The following CBLB variants were observed in gnomAD, a reference collection of about 807,000 sequenced individuals.
CBLB encodes Cbl proto-oncogene B, also known as E3 ubiquitin-protein ligase CBL-B.
In CBLB, 31 loss-of-function variants were observed where a neutral mutation model predicts 104.9. That is an observed-to-expected ratio of 0.30 (90% CI 0.22 to 0.40). CBLB has a LOEUF of 0.40. CBLB is among the 10% of genes least tolerant of loss of function. The pLI is 1.00. For missense variants in CBLB, 1,062 were observed against 1,214.6 expected (o/e 0.87, Z 1.87); for synonymous variants, 440 against 422.6 (o/e 1.04, Z -0.51).
chr3:105,780,667 T>G lies in CBLB; in HGVS notation c.420-4125A>C, dbSNP rs775237832. Among the ~76,000 whole-genome samples the G allele has an allele frequency of 4.1e-3, 502 of 121,220 alleles. 1 individual carries two copies. The highest frequency in any genetic ancestry group is 7.6e-3 in the Middle Eastern group (2 of 262). The allele number at this position is 121,220 out of a possible 152,430, so 79.5% of individuals were successfully genotyped here. A position where few individuals can be genotyped will look rare whatever the true frequency, so the allele number is the denominator to read the frequency against. On this transcript the variant is annotated intron_variant, in intron 3 of 18. Coordinates refer to ENST00000394030, the MANE Select transcript of CBLB (RefSeq NM_170662.5). ...ATAAAAGTTTTGTTTTTTGTTTTTTTTTTTTTTTTTTTTGAGATGGAGTCT... is the reference window on the plus strand; with the variant it reads ...ATAAAAGTTTTGTTTTTTGTTTTTTGTTTTTTTTTTTTTGAGATGGAGTCT...
intron 3 of CBLB, among the ~76,000 whole-genome samples, chr3:105,798,111 G>C (rs370692328): frequency 1.1e-4 from 16 of 152,240 alleles, no homozygotes; most frequent in African/African-American, 3.6e-4. Context: ...ACAAGCTAAC[G>C]TACAAAATAT....
chr3:105,757,412 ATGTAT>A (rs1560108086), intron 4 of CBLB, among the ~76,000 whole-genome samples: 1 of 152,180 alleles, frequency 6.6e-6, no homozygotes, highest in Non-Finnish European at 1.5e-5. Flanking sequence ...TTATGATGGC[ATGTAT>A]CAGAACTACT....
At chr3:105,772,551 A>G (rs1174867114) in intron 4 of CBLB, among the ~76,000 whole-genome samples, 1 of 152,226 alleles carries the variant, frequency 6.6e-6, no homozygotes, top group African/African-American at 2.4e-5. Flanking sequence ...CTGCACAGCA[A>G]AAGAAATAAT....
In CBLB at chr3:105,779,756, C is replaced by T. The variant is rs193159896; in HGVS notation, c.420-3214G>A. Among the ~76,000 whole-genome samples, 61 of 151,714 alleles carry T rather than the reference C, an allele frequency of 4.0e-4. No individual in the cohort carries two copies. The Middle Eastern group carries it at 0.014, about 34-fold the overall frequency. The stretch of plus-strand genomic sequence containing the variant: ...TTTAAATTTGTTATCATAGAAAATA[C>T]GTTTTCTTTTTTATATGACGCTGTG... On this transcript the variant is annotated intron_variant, in intron 3 of 18. Transcript: ENST00000394030.
rs2066315919 is a variant in CBLB at position 105,681,535 on chromosome 3, T to C, written c.2372A>G (p.His791Arg). 1.2e-6 allele frequency: 2 copies of C among 1,614,068 alleles called. No individual in the cohort carries two copies. The highest frequency in any genetic ancestry group is 1.7e-6 in the Non-Finnish European group (2 of 1,179,936). ...ARPPTRDNPKHGSSLNRTPSD... is the reference protein window; with the variant it reads ...ARPPTRDNPKRGSSLNRTPSD... ...GGGCGTCCTGTTGAGTGAAGAACCA[T>C]GCTTTGGATTGTCCCGAGTTGGAGG... The change falls in exon 16 of 19, where the codon CAT (histidine) becomes CGT (arginine). Residue 791 changes from histidine (H) to arginine (R), a missense_variant. His to Arg is a conservative substitution (Grantham distance 29). Transcript: ENST00000394030.
chr3:105,816,277 A>C (rs2085047126), intron 3 of CBLB, among the ~76,000 whole-genome samples: 1 of 152,188 alleles, frequency 6.6e-6, no homozygotes, highest in African/African-American at 2.4e-5. Context: ...AAATTAGTAA[A>C]AATTAGTAAA....
chr3:105,822,369 G>A (rs1250601108), intron 3 of CBLB, among the ~76,000 whole-genome samples: 2 of 152,168 alleles, frequency 1.3e-5, no homozygotes, highest in Non-Finnish European at 2.9e-5. Flanking sequence ...TTCTCAGGAT[G>A]AGCATTCTAA....
At chr3:105,716,943 G>A (rs1576568603) in intron 10 of CBLB, among the ~76,000 whole-genome samples, 1 of 152,226 alleles carries the variant, frequency 6.6e-6, no homozygotes, top group South Asian at 2.1e-4. Context: ...CAGAGAGAAT[G>A]AAATATGAAT....
At chr3:105,789,827 G>T (rs2081436514) in intron 3 of CBLB, among the ~76,000 whole-genome samples, 1 of 152,086 alleles carries the variant, frequency 6.6e-6, no homozygotes, top group South Asian at 2.1e-4. Context: ...ATTCAATGGG[G>T]TCTCTGTTTA....
chr3:105,660,293 T>A (rs1241321746), intron 18 of CBLB, among the ~76,000 whole-genome samples: 2 of 151,996 alleles, frequency 1.3e-5, no homozygotes, highest in Non-Finnish European at 2.9e-5. Flanking sequence ...CAAGCAATTC[T>A]ACTACCGCCT....
chr3:105,755,419 T>A (rs967884339), intron 4 of CBLB, among the ~76,000 whole-genome samples: 2 of 152,104 alleles, frequency 1.3e-5, no homozygotes, highest in African/African-American at 4.8e-5. Flanking sequence ...GAGAAGTGTA[T>A]TAGATATTCT....
At chr3:105,813,103 T>C (rs1223402629) in intron 3 of CBLB, among the ~76,000 whole-genome samples, 1 of 152,078 alleles carries the variant, frequency 6.6e-6, no homozygotes, top group African/African-American at 2.4e-5. Context: ...TTAGATAAAA[T>C]TCAGGTAACT....
chr3:105,784,233 ATT>A (rs1366439861), intron 3 of CBLB, among the ~76,000 whole-genome samples: 1 of 152,194 alleles, frequency 6.6e-6, no homozygotes, highest in Non-Finnish European at 1.5e-5. Context: ...AGACCACTCC[ATT>A]GAGACAAAAA....
At chr3:105,856,566 A>G (rs7650147) in intron 2 of CBLB, among the ~76,000 whole-genome samples, 13,833 of 152,138 alleles carry the variant, frequency 0.091, 713 homozygotes, top group Admixed American at 0.12. Flanking sequence ...CATAACCAAC[A>G]AATTAATGGA....
At chr3:105,797,157 C>A (rs981466533) in intron 3 of CBLB, among the ~76,000 whole-genome samples, 1 of 152,132 alleles carries the variant, frequency 6.6e-6, no homozygotes, top group Admixed American at 6.5e-5. Context: ...CAGCATTATT[C>A]ACAATAGCAA....
intron 3 of CBLB, among the ~76,000 whole-genome samples, chr3:105,835,447 T>C (rs2088318162): frequency 6.6e-6 from 1 of 151,890 alleles, no homozygotes; most frequent in South Asian, 2.1e-4. Flanking sequence ...AGGAGAAATA[T>C]TTAAATCTTT....
intron 3 of CBLB, among the ~76,000 whole-genome samples, chr3:105,835,090 T>C (rs2088240538): frequency 6.6e-6 from 1 of 152,218 alleles, no homozygotes; most frequent in Admixed American, 6.5e-5. Context: ...TATCTTCATT[T>C]TAACTGCAAA....
intron 10 of CBLB, among the ~76,000 whole-genome samples, chr3:105,712,114 G>T (rs1379570316): frequency 6.6e-6 from 1 of 152,086 alleles, no homozygotes. Flanking sequence ...GCTTCTCCTT[G>T]AAGTACCTTC....
At chr3:105,676,958 T>G (rs1308741387) in intron 17 of CBLB, among the ~76,000 whole-genome samples, 1 of 152,172 alleles carries the variant, frequency 6.6e-6, no homozygotes. Context: ...CTGCCATGAT[T>G]GTATGTTTTC....
Sources: gnomAD v4.1 joint callset for allele counts (sites outside exome capture counted in the v4.1 genomes callset) on GRCh38, gnomAD v4.1.1 for gene constraint, MANE v1.5 for transcripts, NCBI Gene and HGNC (gene_info 2026-07-23, HGNC 2026-07-21) for gene names.